Variants in CAMK1D observed in about 807,000 individuals in gnomAD.
CAMK1D encodes calcium/calmodulin dependent protein kinase ID.
In CAMK1D, 9 loss-of-function variants were observed where a neutral mutation model predicts 47.7. The ratio of observed to expected loss-of-function variants is 0.19; its 90% CI spans 0.11 to 0.33. The LOEUF is 0.33. Ranked by LOEUF, CAMK1D falls within the 10% of genes least tolerant of loss-of-function variation. The pLI, the probability that CAMK1D is intolerant of heterozygous loss-of-function variation, is 1.00. For synonymous variants in CAMK1D, 184 were observed against 184.9 expected (o/e 0.99, Z 0.04); for missense variants, 291 against 488.7 (o/e 0.60, Z 3.81).
chr10:12,502,276 AG>A (rs1387441351), intron 1 of CAMK1D, among the ~76,000 whole-genome samples: 1 of 152,192 alleles, frequency 6.6e-6, no homozygotes, highest in East Asian at 1.9e-4. Context: ...GGGCAGAGAA[AG>A]GCCAGTCCAA....
intron 1 of CAMK1D, chr10:12,416,066 A>C (rs967769631): frequency 6.6e-6 from 1 of 152,208 alleles, no homozygotes; most frequent in Non-Finnish European, 1.5e-5. Flanking sequence ...ATTTCTAACT[A>C]TATGATTGTG....
At chr10:12,380,942 T>A (rs182441864) in intron 1 of CAMK1D, among the ~76,000 whole-genome samples, 47 of 152,352 alleles carry the variant, frequency 3.1e-4, no homozygotes, top group African/African-American at 1.1e-3. Flanking sequence ...ATTGGCCTAG[T>A]CATTTGTCAG....
chr10:12,534,617 C>T (rs1362694054), intron 1 of CAMK1D, among the ~76,000 whole-genome samples: 2 of 152,186 alleles, frequency 1.3e-5, no homozygotes, highest in Non-Finnish European at 2.9e-5. Context: ...CTGCCCACCT[C>T]GGCCTCCCAA....
chr10:12,486,159 GTC>G (rs1329391828), intron 1 of CAMK1D, among the ~76,000 whole-genome samples: 1 of 90,848 alleles, frequency 1.1e-5, no homozygotes, highest in Non-Finnish European at 2.2e-5. Flanking sequence ...GGACTTGCCA[GTC>G]TCTTTTTTTT....
chr10:12,752,197 G>A (rs1358923666), intron 3 of CAMK1D, among the ~76,000 whole-genome samples: 1 of 152,040 alleles, frequency 6.6e-6, no homozygotes, highest in African/African-American at 2.4e-5. Context: ...TGGCCAGTCT[G>A]GTCTCAAACT....
chr10:12,396,727 C>T (rs1161600079), intron 1 of CAMK1D, among the ~76,000 whole-genome samples: 7 of 152,334 alleles, frequency 4.6e-5, no homozygotes, highest in Non-Finnish European at 1.0e-4. Context: ...CTCTGCCCTT[C>T]TCCCCGCAGC....
At chr10:12,600,937 C>T (rs1838283146) in intron 2 of CAMK1D, among the ~76,000 whole-genome samples, 1 of 152,178 alleles carries the variant, frequency 6.6e-6, no homozygotes, top group Non-Finnish European at 1.5e-5. Context: ...TCCACCCACC[C>T]ATGTTGCTGC....
At chr10:12,558,669 C>A (rs2768348) in intron 2 of CAMK1D, among the ~76,000 whole-genome samples, 51,443 of 151,838 alleles carry the variant, frequency 0.34, 8,705 homozygotes, top group Middle Eastern at 0.45. Context: ...GAGGGGGATG[C>A]ATAGATTGGA....
chr10:12,650,368 C>G (rs554673818), intron 2 of CAMK1D, among the ~76,000 whole-genome samples: 5 of 152,246 alleles, frequency 3.3e-5, no homozygotes, highest in Non-Finnish European at 7.3e-5. Context: ...GGCTCTCTGG[C>G]AGGACATTGG....
At chr10:12,501,650 A>C (rs983821398) in intron 1 of CAMK1D, among the ~76,000 whole-genome samples, 30 of 151,994 alleles carry the variant, frequency 2.0e-4, no homozygotes, top group Middle Eastern at 6.8e-3. Flanking sequence ...ACTGAGAGTG[A>C]TTTTTTTTCC....
intron 1 of CAMK1D, among the ~76,000 whole-genome samples, chr10:12,527,145 T>C (rs1350739050): frequency 6.6e-6 from 1 of 152,062 alleles, no homozygotes; most frequent in African/African-American, 2.4e-5. Flanking sequence ...TATTGCCCAG[T>C]AGCAGTGTAA....
At chr10:12,349,964 G>C in intron 1 of CAMK1D, 54 bp downstream of exon 1, 1 of 1,063,254 alleles carries the variant, frequency 9.4e-7, no homozygotes, top group Non-Finnish European at 1.3e-6. Context: ...GGGGCTGCAC[G>C]GGCAGCTCCA....
At chr10:12,521,566 G>T (rs1009585099) in intron 1 of CAMK1D, among the ~76,000 whole-genome samples, 1 of 152,124 alleles carries the variant, frequency 6.6e-6, no homozygotes, top group Non-Finnish European at 1.5e-5. Flanking sequence ...AAGACTTTGT[G>T]TTCTGCCATT....
intron 1 of CAMK1D, among the ~76,000 whole-genome samples, chr10:12,362,868 T>C (rs1024866541): frequency 1.3e-4 from 19 of 151,862 alleles, no homozygotes; most frequent in African/African-American, 4.1e-4. Context: ...ATGGTCTCAA[T>C]CTCCTGACCT....
At chr10:12,562,546 G>A (rs113355905) in intron 2 of CAMK1D, among the ~76,000 whole-genome samples, 25 of 152,132 alleles carry the variant, frequency 1.6e-4, no homozygotes, top group Non-Finnish European at 3.1e-4. Flanking sequence ...ATTTGCAAAC[G>A]AGCCCCCGAC....
intron 1 of CAMK1D, among the ~76,000 whole-genome samples, chr10:12,448,319 C>T (rs1349073213): frequency 1.3e-5 from 2 of 150,810 alleles, no homozygotes; most frequent in Non-Finnish European, 2.9e-5. Context: ...GCCACGATGC[C>T]TGGATTTTTT....
At chr10:12,540,080 AT>A (rs1254864512) in intron 1 of CAMK1D, among the ~76,000 whole-genome samples, 1 of 150,438 alleles carries the variant, frequency 6.6e-6, no homozygotes, top group Non-Finnish European at 1.5e-5. Context: ...CACCTAGCTA[AT>A]TTTTTCTTTT....
intron 3 of CAMK1D, among the ~76,000 whole-genome samples, chr10:12,753,420 T>A (rs1453791377): frequency 6.6e-6 from 1 of 152,228 alleles, no homozygotes; most frequent in African/African-American, 2.4e-5. Flanking sequence ...CTAGGACACC[T>A]CAGGAAATAT....
intron 1 of CAMK1D, among the ~76,000 whole-genome samples, chr10:12,546,821 T>TG (rs1836389979): frequency 1.6e-5 from 1 of 63,436 alleles, no homozygotes; most frequent in Non-Finnish European, 3.0e-5. Flanking sequence ...GGGGTGGGGG[T>TG]GGGGGAGGGA....
Sources: allele counts gnomAD v4.1 joint callset (sites outside exome capture counted in the v4.1 genomes callset), GRCh38; gene constraint gnomAD v4.1.1; transcripts MANE v1.5; gene names NCBI Gene and HGNC (gene_info 2026-07-23, HGNC 2026-07-21).